The following KCNB2 variants were observed in gnomAD, a reference collection of about 807,000 sequenced individuals.
The protein encoded by KCNB2 is potassium voltage-gated channel subfamily B member 2, also known as delayed rectifier potassium channel protein.
Under a neutral mutation model 61.5 loss-of-function variants are expected in KCNB2, and 15 were observed. That is an observed-to-expected ratio of 0.24 (90% CI 0.16 to 0.38). The LOEUF (loss-of-function observed/expected upper bound fraction) is 0.38. KCNB2 is among the 10% of genes least tolerant of loss of function. The probability of loss-of-function intolerance (pLI) is 1.00; values close to 1 mark genes in which losing one functional copy is unlikely to be tolerated. For missense variants in KCNB2, 828 were observed against 1,125.2 expected (o/e 0.74, Z 3.78); for synonymous variants, 457 against 446.0 (o/e 1.02, Z -0.31).
chr8:72,588,367 C>T (rs1807033241), intron 2 of KCNB2, among the ~76,000 whole-genome samples: 2 of 151,930 alleles, frequency 1.3e-5, no homozygotes, highest in African/African-American at 2.4e-5. Context: ...TACAGTCATG[C>T]ACCACCACGC....
chr8:72,800,055 C>G (rs889570500), intron 2 of KCNB2, among the ~76,000 whole-genome samples: 1 of 152,150 alleles, frequency 6.6e-6, no homozygotes, highest in Non-Finnish European at 1.5e-5. Context: ...TAAATGTCAT[C>G]TGTAGGCCTT....
rs2119258 is a variant in KCNB2, at chr8:72,667,625, A to G, written c.579+99312A>G. On this transcript the variant is annotated intron_variant, in intron 2 of 2. Coordinates refer to ENST00000523207, the MANE Select transcript of KCNB2 (RefSeq NM_004770.3). ...CAAATTCTGCTTCCTCCATATCAGT[A>G]TATATCTCAGATCTGCCATGTCTCT... is the stretch of plus-strand genomic sequence containing the variant. Among the ~76,000 whole-genome samples the G allele has an allele frequency of 3.0e-3, 452 of 152,116 alleles. 5 individuals are homozygous for G. The highest frequency in any genetic ancestry group is 0.02 in the East Asian group (104 of 5,158).
intron 2 of KCNB2, among the ~76,000 whole-genome samples, chr8:72,763,485 T>A (rs1358055491): frequency 6.6e-6 from 1 of 152,132 alleles, no homozygotes; most frequent in Non-Finnish European, 1.5e-5. Context: ...CCTCTAAAAC[T>A]GAGATGGAGC....
intron 2 of KCNB2, among the ~76,000 whole-genome samples, chr8:72,841,372 C>CTTTT (rs769263287): frequency 1.2e-3 from 40 of 34,198 alleles, no homozygotes; most frequent in East Asian, 2.0e-3. Flanking sequence ...TTTTTTTTTT[C>CTTTT]TTTTTTTTTT....
intron 2 of KCNB2, among the ~76,000 whole-genome samples, chr8:72,681,638 A>T (rs1287555680): frequency 6.6e-6 from 1 of 152,252 alleles, no homozygotes; most frequent in Non-Finnish European, 1.5e-5. Context: ...TATAACAAAT[A>T]CATAAACCGG....
chr8:72,697,000 A>G (rs1807028357), intron 2 of KCNB2, among the ~76,000 whole-genome samples: 1 of 152,212 alleles, frequency 6.6e-6, no homozygotes, highest in African/African-American at 2.4e-5. Flanking sequence ...CATATGCAAG[A>G]CTAAAAAGTA....
intron 2 of KCNB2, among the ~76,000 whole-genome samples, chr8:72,906,614 G>T (rs190842009): frequency 2.7e-4 from 41 of 152,240 alleles, no homozygotes; most frequent in Admixed American, 2.2e-3. Flanking sequence ...TTAACGTGGT[G>T]GAGCCAAAAT....
At chr8:72,802,207 G>GTGAT (rs1809145225) in intron 2 of KCNB2, among the ~76,000 whole-genome samples, 1 of 152,192 alleles carries the variant, frequency 6.6e-6, no homozygotes, top group South Asian at 2.1e-4. Context: ...AACTGATGCG[G>GTGAT]TGATTTCAGT....
At chr8:72,672,503 C>A (rs1243549176) in intron 2 of KCNB2, among the ~76,000 whole-genome samples, 4 of 152,086 alleles carry the variant, frequency 2.6e-5, no homozygotes, top group Non-Finnish European at 5.9e-5. Flanking sequence ...CTAGTGGCAC[C>A]ATAAGCCTTT....
intron 1 of KCNB2, among the ~76,000 whole-genome samples, chr8:72,538,165 TTCCG>T (rs1186570710): frequency 6.6e-6 from 1 of 152,122 alleles, no homozygotes; most frequent in Non-Finnish European, 1.5e-5. Context: ...TCTTGTTGCC[TTCCG>T]TCCATTTGTT....
rs1488765406 is a variant in KCNB2, at chr8:72,937,216, C to T, written c.1861C>T (p.Leu621=). 3 of 1,613,970 alleles carry T rather than the reference C, an allele frequency of 1.9e-6. No homozygotes were observed. The highest frequency in any genetic ancestry group is 1.3e-5 in the African/African-American group (1 of 74,924). ...CTTCACAGAGACAGAGAGATCGCCG[C>T]TGCCGCCGCCCTCCGCCTCTCACTT... ...TDFTETERSP[L]PPPSASHLQM... The change falls in exon 3 of 3, where the codon CTG becomes TTG. Residue 621 remains leucine (L), a synonymous_variant. Coordinates refer to ENST00000523207, the MANE Select transcript of KCNB2 (RefSeq NM_004770.3).
intron 2 of KCNB2, among the ~76,000 whole-genome samples, chr8:72,720,026 T>C (rs183225488): frequency 9.8e-5 from 15 of 152,316 alleles, no homozygotes; most frequent in Admixed American, 8.5e-4. Context: ...CCAAAGCAGT[T>C]AATGACCAAG....
Position 72,718,408 on chromosome 8 carries a change from C to T in KCNB2, c.579+150095C>T, listed in dbSNP as rs543520919. 7.9e-5 allele frequency among the ~76,000 whole-genome samples: 12 copies of T among 152,188 alleles called. No individual in the cohort carries two copies. The South Asian group carries it at 1.0e-3, about 13-fold the overall frequency. Reference sequence around the variant, plus strand: ...TATTCACAATAGCAAAGACTTGGAACGAACCCAAATGTCCAACAATGATAA... The same window carrying T: ...TATTCACAATAGCAAAGACTTGGAATGAACCCAAATGTCCAACAATGATAA... On this transcript the variant is annotated intron_variant, in intron 2 of 2. Transcript: ENST00000523207.
intron 1 of KCNB2, among the ~76,000 whole-genome samples, chr8:72,539,930 A>C (rs948517020): frequency 2.0e-5 from 3 of 152,178 alleles, no homozygotes; most frequent in Non-Finnish European, 2.9e-5. Context: ...TATGATAATA[A>C]AAGTGAGATT....
intron 2 of KCNB2, among the ~76,000 whole-genome samples, chr8:72,761,911 TAATC>T (rs1808387637): frequency 1.3e-5 from 2 of 152,186 alleles, no homozygotes; most frequent in Non-Finnish European, 2.9e-5. Context: ...TTGTATATCT[TAATC>T]AATAGCCTAT....
intron 2 of KCNB2, among the ~76,000 whole-genome samples, chr8:72,622,752 A>G (rs1805731982): frequency 6.6e-6 from 1 of 152,210 alleles, no homozygotes; most frequent in African/African-American, 2.4e-5. Context: ...GTGTTAACTA[A>G]AACATAACCT....
intron 2 of KCNB2, among the ~76,000 whole-genome samples, chr8:72,653,293 T>C (rs1806240729): frequency 6.6e-6 from 1 of 152,164 alleles, no homozygotes; most frequent in Admixed American, 6.6e-5. Context: ...ATGTAAAATT[T>C]CTTCCCTGAA....
intron 2 of KCNB2, among the ~76,000 whole-genome samples, chr8:72,579,000 T>TTC (rs1563528704): frequency 6.6e-6 from 1 of 152,206 alleles, no homozygotes; most frequent in Non-Finnish European, 1.5e-5. Context: ...AGGCACCATA[T>TTC]TGCCACCAAT....
At chr8:72,713,276 C>T (rs1807359005) in intron 2 of KCNB2, among the ~76,000 whole-genome samples, 1 of 152,208 alleles carries the variant, frequency 6.6e-6, no homozygotes, top group Non-Finnish European at 1.5e-5. Flanking sequence ...CCTCTGCAGA[C>T]TTAAATGTCC....
Sources: gnomAD v4.1 joint callset for allele counts (sites outside exome capture counted in the v4.1 genomes callset) on GRCh38, gnomAD v4.1.1 for gene constraint, MANE v1.5 for transcripts, NCBI Gene and HGNC (gene_info 2026-07-23, HGNC 2026-07-21) for gene names.